The following RBPJ variants were observed in gnomAD, a reference collection of about 807,000 sequenced individuals.
RBPJ encodes the protein recombination signal binding protein for immunoglobulin kappa J region.
In RBPJ, 9 loss-of-function variants were observed where a neutral mutation model predicts 67.8. The ratio of observed to expected loss-of-function variants is 0.13; its 90% CI spans 0.08 to 0.23. The LOEUF (loss-of-function observed/expected upper bound fraction) is 0.23, where lower values mean the gene tolerates loss of function less well. RBPJ is among the 10% of genes least tolerant of loss of function. The probability of loss-of-function intolerance (pLI) is 1.00; values close to 1 mark genes in which losing one functional copy is unlikely to be tolerated. For synonymous variants in RBPJ, 198 were observed against 203.3 expected (o/e 0.97, Z 0.22); for missense variants, 305 against 595.6 (o/e 0.51, Z 5.08).
intron 1 of RBPJ, among the ~76,000 whole-genome samples, chr4:26,178,642 C>A (rs1716879158): frequency 2.0e-5 from 3 of 150,580 alleles, no homozygotes; most frequent in African/African-American, 7.3e-5. Context: ...AGTCCCAGAC[C>A]CCCTTAGCCT....
At chr4:26,358,065 G>C (rs532180271) in intron 1 of RBPJ, among the ~76,000 whole-genome samples, 1 of 143,902 alleles carries the variant, frequency 6.9e-6, no homozygotes, top group Non-Finnish European at 1.5e-5. Context: ...TTAATGATCA[G>C]AGAGTGAATT....
intron 1 of RBPJ, among the ~76,000 whole-genome samples, chr4:26,314,634 C>T (rs1165284395): frequency 4.6e-5 from 7 of 152,076 alleles, no homozygotes; most frequent in East Asian, 1.9e-4. Context: ...CCATCTAAGT[C>T]GCCTGCTCCT....
At chr4:26,406,002 T>C (rs2109743023) in intron 2 of RBPJ, among the ~76,000 whole-genome samples, 173 bp from the exon 3 acceptor site, 1 of 152,356 alleles carries the variant, frequency 6.6e-6, no homozygotes, top group African/African-American at 2.4e-5. Flanking sequence ...TGTATCATTG[T>C]ATAATCTTCC....
chr4:26,276,102 G>C (rs7693030), intron 1 of RBPJ, among the ~76,000 whole-genome samples: 72,487 of 149,522 alleles, frequency 0.48, 17,667 homozygotes, highest in Admixed American at 0.51. Context: ...TGGTGAAACC[G>C]CATCTCTACT....
chr4:26,191,691 G>A (rs549892802), intron 1 of RBPJ, among the ~76,000 whole-genome samples: 1 of 152,250 alleles, frequency 6.6e-6, no homozygotes, highest in African/African-American at 2.4e-5. Flanking sequence ...TATAAAATGT[G>A]GTCTACCAGG....
At position 26,210,743 on chromosome 4, in the gene RBPJ, C is replaced by CTTCTTTA. The variant is rs59467495; in HGVS notation, c.-167+47129_-167+47130insTTCTTTA. Among the ~76,000 whole-genome samples the CTTCTTTA allele has an allele frequency of 1.6e-3, 110 of 70,424 alleles. 2 individuals carry two copies. In the East Asian group the frequency reaches 0.025, roughly 16 times the overall value. The allele number at this position is 70,424 out of a possible 152,430, so 46.2% of individuals were successfully genotyped here. A position where few individuals can be genotyped will look rare whatever the true frequency, so the allele number is the denominator to read the frequency against. ...TCTTTCTTTCCTTCTTTACTTCTTT[C>CTTCTTTA]CTTCTTTCCTTCTTTCTTTCTTTCT... On this transcript the variant is annotated intron_variant, in intron 1 of 4. Coordinates refer to the RBPJ transcript ENST00000512351.
At position 26,415,721 on chromosome 4, in the gene RBPJ, AT is replaced by A. The variant is rs1419771175; in HGVS notation, c.321+88del. Reference sequence around the variant, plus strand: ...TTTCATATTCATTTTTGTGGTGGAGATTTTTTTCTTTAATAACTATTGGTAA... The same window carrying A: ...TTTCATATTCATTTTTGTGGTGGAGATTTTTTCTTTAATAACTATTGGTAA... On this transcript the variant is annotated intron_variant, in intron 4 of 10. Coordinates refer to ENST00000355476, the MANE Select transcript of RBPJ (RefSeq NM_015874.6). 36 of 1,351,800 alleles carry A rather than the reference AT, an allele frequency of 2.7e-5. 1 individual carries two copies. The South Asian group carries it at 4.8e-4, about 18-fold the overall frequency. The allele number at this position is 1,351,800 out of a possible 1,614,324, so 83.7% of individuals were successfully genotyped here. A position where few individuals can be genotyped will look rare whatever the true frequency, so the allele number is the denominator to read the frequency against.
At chr4:26,222,494 C>CAAAAAAA (rs35321984) in intron 1 of RBPJ, among the ~76,000 whole-genome samples, 1 of 58,828 alleles carries the variant, frequency 1.7e-5, no homozygotes, top group African/African-American at 5.4e-5. Context: ...AACTCAATCT[C>CAAAAAAA]AAAAAAAAAA....
At chr4:26,142,996 G>A in the RBPJ span, among the ~76,000 whole-genome samples, 1 of 152,106 alleles carries the variant, frequency 6.6e-6, no homozygotes, top group Non-Finnish European at 1.5e-5. Context: ...TGGCCAGGCT[G>A]GTCTCAAACT....
intron 1 of RBPJ, among the ~76,000 whole-genome samples, chr4:26,234,117 T>C (rs545184351): frequency 6.6e-6 from 1 of 152,368 alleles, no homozygotes; most frequent in African/African-American, 2.4e-5. Flanking sequence ...GTAATGTTTA[T>C]GGAAGGCAAA....
chr4:26,206,634 G>A (rs528700663), intron 1 of RBPJ, among the ~76,000 whole-genome samples: 34 of 151,866 alleles, frequency 2.2e-4, no homozygotes, highest in African/African-American at 8.2e-4. Context: ...TATTGATCTA[G>A]TCCTTCATCC....
At chr4:26,302,571 G>A (rs772668222) in intron 1 of RBPJ, among the ~76,000 whole-genome samples, 5 of 152,166 alleles carry the variant, frequency 3.3e-5, no homozygotes, top group Admixed American at 1.3e-4. Flanking sequence ...GGTAATAAGG[G>A]AGGAAGTGAC....
At chr4:26,233,663 A>T (rs1055745673) in intron 1 of RBPJ, among the ~76,000 whole-genome samples, 1 of 152,236 alleles carries the variant, frequency 6.6e-6, no homozygotes, top group African/African-American at 2.4e-5. Flanking sequence ...TTCAAAATAA[A>T]ATCAGAGCAA....
At chr4:26,395,986 C>T (rs182297009) in intron 2 of RBPJ, among the ~76,000 whole-genome samples, 46 of 152,248 alleles carry the variant, frequency 3.0e-4, no homozygotes, top group African/African-American at 1.1e-3. Flanking sequence ...GTGCCTGTTT[C>T]TCTTTATGAT....
At chr4:26,255,577 C>G (rs13121234) in intron 1 of RBPJ, among the ~76,000 whole-genome samples, 1,905 of 149,322 alleles carry the variant, frequency 0.013, 69 homozygotes, top group African/African-American at 0.045. Context: ...CCAAGGCGGG[C>G]GGATCACGAG....
At position 26,407,883 on chromosome 4, in the gene RBPJ, C is replaced by CTTTTTT. The variant is rs61575988; in HGVS notation, c.155+1637_155+1642dup. ...TGAAAAGAGGGGTAAAGCTTTCTTT[C>CTTTTTT]TTTTTTTTTTTTTTTTTTTTTTTTT... On this transcript the variant is annotated intron_variant, in intron 3 of 10. Coordinates refer to ENST00000355476, the MANE Select transcript of RBPJ (RefSeq NM_015874.6). Among the ~76,000 whole-genome samples the CTTTTTT allele has an allele frequency of 2.0e-3, 128 of 63,628 alleles. 6 individuals are homozygous for CTTTTTT. Among genetic ancestry groups the CTTTTTT allele is most frequent in the African/African-American group, 7.9e-3 (119 of 15,128 alleles). The allele number at this position is 63,628 out of a possible 152,430, so 41.7% of individuals were successfully genotyped here.
Position 26,252,364 on chromosome 4 carries a change from G to A in RBPJ, c.-167+88750G>A, listed in dbSNP as rs370302103. Among the ~76,000 whole-genome samples, 6 of 152,208 alleles carry A rather than the reference G, an allele frequency of 3.9e-5. No homozygotes were observed. In the East Asian group the frequency reaches 1.2e-3, roughly 29 times the overall value. ...TAGTCCCAGCACTTTGGGAGGCCGA[G>A]GTGGACAGATTACTGGAGCCCAGGA... is the stretch of plus-strand genomic sequence containing the variant. On this transcript the variant is annotated intron_variant, in intron 1 of 4. Transcript: ENST00000512351.
At chr4:26,371,315 C>T (rs143826341) in intron 1 of RBPJ, among the ~76,000 whole-genome samples, 1 of 152,166 alleles carries the variant, frequency 6.6e-6, no homozygotes, top group East Asian at 1.9e-4. Context: ...ACAGTTTATT[C>T]ATATAGTGAG....
chr4:26,227,146 C>A (rs946753334), intron 1 of RBPJ, among the ~76,000 whole-genome samples: 2 of 152,190 alleles, frequency 1.3e-5, no homozygotes, highest in Non-Finnish European at 2.9e-5. Context: ...TTGGATCCAG[C>A]ATGATTGGCA....
Sources: allele counts gnomAD v4.1 joint callset (sites outside exome capture counted in the v4.1 genomes callset), GRCh38; gene constraint gnomAD v4.1.1; transcripts MANE v1.5; gene names NCBI Gene and HGNC (gene_info 2026-07-23, HGNC 2026-07-21).